Variants in CHN2 observed in about 807,000 individuals in gnomAD.
CHN2 encodes beta-chimaerin.
Under a neutral mutation model 56.3 loss-of-function variants are expected in CHN2, and 35 were observed. That is an observed-to-expected ratio of 0.62 (90% CI 0.47 to 0.82). The LOEUF is 0.82. CHN2 is among the 40% of genes least tolerant of loss of function. CHN2 has a pLI of 0.00. For synonymous variants in CHN2, 210 were observed against 212.8 expected (o/e 0.99, Z 0.12); for missense variants, 491 against 580.5 (o/e 0.85, Z 1.58).
intron 1 of CHN2, among the ~76,000 whole-genome samples, chr7:29,208,536 T>C (rs1333273183): frequency 3.3e-5 from 5 of 152,282 alleles, no homozygotes; most frequent in South Asian, 2.1e-4. Context: ...GGGATGATAT[T>C]GTGCCTTGCG....
At chr7:29,254,820 A>C (rs2128823722) in intron 1 of CHN2, among the ~76,000 whole-genome samples, 1 of 152,302 alleles carries the variant, frequency 6.6e-6, no homozygotes, top group Non-Finnish European at 1.5e-5. Context: ...TCACATTTAG[A>C]CTTGTTGTGC....
chr7:29,167,350 C>G (rs1352850971), intron 2 of CHN2, among the ~76,000 whole-genome samples: 1 of 152,110 alleles, frequency 6.6e-6, no homozygotes, highest in Non-Finnish European at 1.5e-5. Context: ...CATATTCTAT[C>G]CTAAATGGTA....
At chr7:29,299,214 G>A (rs1040826168) in intron 1 of CHN2, among the ~76,000 whole-genome samples, 1 of 152,154 alleles carries the variant, frequency 6.6e-6, no homozygotes, top group Non-Finnish European at 1.5e-5. Flanking sequence ...ACCGGTCGGA[G>A]TTTCTCCGGG....
At chr7:29,332,112 A>C (rs1373132949) in intron 1 of CHN2, among the ~76,000 whole-genome samples, 1 of 152,126 alleles carries the variant, frequency 6.6e-6, no homozygotes, top group East Asian at 1.9e-4. Flanking sequence ...ATTTATATCC[A>C]TCCAAAGGAG....
chr7:29,383,685 A>T (rs190840274), intron 3 of CHN2, among the ~76,000 whole-genome samples: 1 of 152,316 alleles, frequency 6.6e-6, no homozygotes, highest in East Asian at 1.9e-4. Context: ...AATATTCCAG[A>T]AAAGAAGGAT....
chr7:29,400,136 G>A (rs2128084384), intron 5 of CHN2: 1 of 213,852 alleles, frequency 4.7e-6, no homozygotes, highest in South Asian at 1.0e-4. Flanking sequence ...GAGGAGAGCT[G>A]GTTCCCGTTA....
intron 1 of CHN2, 122 bp from the exon 2 acceptor site, chr7:29,354,503 A>AT (rs773251442): frequency 1.7e-5 from 14 of 807,474 alleles, no homozygotes; most frequent in Non-Finnish European, 2.8e-5. Context: ...AAATGAGAAG[A>AT]GAGTCCCCCT....
At chr7:29,165,199 T>A (rs1795748202) in intron 2 of CHN2, among the ~76,000 whole-genome samples, 1 of 152,062 alleles carries the variant, frequency 6.6e-6, no homozygotes, top group Admixed American at 6.5e-5. Context: ...ATATCTCATC[T>A]TTTCAATTAT....
At chr7:29,220,270 A>C (rs1431502449) in intron 1 of CHN2, among the ~76,000 whole-genome samples, 2 of 101,478 alleles carry the variant, frequency 2.0e-5, no homozygotes, top group Non-Finnish European at 3.7e-5. Flanking sequence ...ACCCTGTCTT[A>C]AAAAAAAAAA....
intron 2 of CHN2, 33 bp from the exon 3 acceptor site, chr7:29,367,896 AATT>A: frequency 6.4e-7 from 1 of 1,569,764 alleles, no homozygotes; most frequent in Non-Finnish European, 8.7e-7. Flanking sequence ...TTCTAATTCT[AATT>A]ATTTCTCTCT....
In CHN2 at chr7:29,514,123, T is replaced by C. The variant is rs1474129514; in HGVS notation, c.*1388T>C. ...CCAAGGGCTATGCAGATGGACTCCATTGGCACAGGGAGGTTTGACCTCTTC... is the reference window on the plus strand; with the variant it reads ...CCAAGGGCTATGCAGATGGACTCCACTGGCACAGGGAGGTTTGACCTCTTC... On this transcript the variant is annotated 3_prime_UTR_variant, in exon 13 of 13. Coordinates refer to ENST00000222792, the MANE Select transcript of CHN2 (RefSeq NM_004067.4). 6 of 152,644 alleles carry C rather than the reference T, an allele frequency of 3.9e-5. No homozygotes were observed. In the East Asian group the frequency reaches 5.8e-4, roughly 15 times the overall value. 9.5% of individuals were successfully genotyped at this position (152,644 alleles called of 1,614,324 possible). A position where few individuals can be genotyped will look rare whatever the true frequency, so the allele number is the denominator to read the frequency against.
At chr7:29,207,988 A>G (rs558936259) in intron 1 of CHN2, among the ~76,000 whole-genome samples, 37 of 152,362 alleles carry the variant, frequency 2.4e-4, no homozygotes, top group Middle Eastern at 3.4e-3. Flanking sequence ...TTCTAGAACC[A>G]TGTATTGTTC....
chr7:29,210,793 G>A (rs937248748), intron 1 of CHN2, among the ~76,000 whole-genome samples: 1 of 151,974 alleles, frequency 6.6e-6, no homozygotes, highest in African/African-American at 2.4e-5. Flanking sequence ...TGGTGAGGGA[G>A]CCAGCCATGC....
intron 2 of CHN2, chr7:29,186,546 G>A (rs996021541): frequency 2.2e-4 from 34 of 151,642 alleles, no homozygotes; most frequent in African/African-American, 7.0e-4. Flanking sequence ...CTGTATTGCA[G>A]CCTGCGTGAC....
intron 1 of CHN2, among the ~76,000 whole-genome samples, chr7:29,215,260 G>A (rs1785245304): frequency 6.6e-6 from 1 of 152,148 alleles, no homozygotes; most frequent in Non-Finnish European, 1.5e-5. Context: ...GTTCTGCACG[G>A]GGAGTCTTAC....
At chr7:29,177,332 C>G (rs1182974302) in intron 2 of CHN2, among the ~76,000 whole-genome samples, 1 of 151,984 alleles carries the variant, frequency 6.6e-6, no homozygotes, top group African/African-American at 2.4e-5. Flanking sequence ...CTGCTCACTG[C>G]AACCTCTGCC....
intron 1 of CHN2, among the ~76,000 whole-genome samples, chr7:29,238,988 A>G (rs1787428063): frequency 6.6e-6 from 1 of 152,086 alleles, no homozygotes; most frequent in Admixed American, 6.5e-5. Context: ...AGGCTCTGTC[A>G]CTCTGAGTGC....
chr7:29,370,587 G>A (rs1799528801), intron 3 of CHN2, among the ~76,000 whole-genome samples: 1 of 151,994 alleles, frequency 6.6e-6, no homozygotes, highest in African/African-American at 2.4e-5. Flanking sequence ...TAGCGTGGTA[G>A]CTCCAGTATA....
At chr7:29,439,223 G>A (rs539812370) in intron 6 of CHN2, among the ~76,000 whole-genome samples, 2 of 152,284 alleles carry the variant, frequency 1.3e-5, no homozygotes, top group South Asian at 4.2e-4. Flanking sequence ...ACACATATGT[G>A]GGTGCCATTG....
Sources: allele counts gnomAD v4.1 joint callset (sites outside exome capture counted in the v4.1 genomes callset), GRCh38; gene constraint gnomAD v4.1.1; transcripts MANE v1.5; gene names NCBI Gene and HGNC (gene_info 2026-07-23, HGNC 2026-07-21).